NSD2: variants seen among roughly 807,000 people sequenced by gnomAD.
NSD2 encodes the protein histone-lysine N-methyltransferase NSD2.
NSD2 carries 12 observed loss-of-function variants against 139.0 expected under a neutral mutation model. The ratio of observed to expected loss-of-function variants is 0.09; its 90% CI spans 0.06 to 0.14. The LOEUF (loss-of-function observed/expected upper bound fraction) is 0.14, where lower values mean the gene tolerates loss of function less well. Among genes scored for constraint, NSD2 ranks in the 10% least tolerant of loss-of-function variants. The pLI is 1.00. For missense variants in NSD2, 1,155 were observed against 1,745.0 expected (o/e 0.66, Z 6.02); for synonymous variants, 669 against 648.7 (o/e 1.03, Z -0.48).
chr4:1,950,961 TGAGA>T (rs1724156126), intron 9 of NSD2, 107 bp from the exon 10 acceptor site: 1 of 1,432,146 alleles, frequency 7.0e-7, no homozygotes, highest in Admixed American at 1.8e-5. Flanking sequence ...GGACCAGTGC[TGAGA>T]AAGACTGGTG....
chr4:1,942,206 G>C lies in NSD2; in HGVS notation c.1881+2428G>C, dbSNP rs1203523569. Reference sequence around the variant, plus strand: ...TGGTACTACATCACCCTGAGGAAGAGAATAAATTAAAATTACACACTTGCA... The same window carrying C: ...TGGTACTACATCACCCTGAGGAAGACAATAAATTAAAATTACACACTTGCA... On this transcript the variant is annotated intron_variant, in intron 9 of 21. Coordinates refer to ENST00000508803, the MANE Select transcript of NSD2 (RefSeq NM_001042424.3). The surrounding 1 kb of genome is among the most constrained non-coding windows in gnomAD (Gnocchi z 4.0). The C allele has an allele frequency of 6.8e-7, 1 of 1,479,804 alleles. No individual in the cohort carries two copies. The highest frequency in any genetic ancestry group is 1.4e-5 in the African/African-American group (1 of 71,294). 91.7% of individuals were successfully genotyped at this position (1,479,804 alleles called of 1,614,324 possible).
At chr4:1,923,014 T>A (rs1720364168) in intron 5 of NSD2, among the ~76,000 whole-genome samples, 2 of 151,976 alleles carry the variant, frequency 1.3e-5, no homozygotes, top group Non-Finnish European at 2.9e-5. Context: ...TGGACATGGA[T>A]GGGAAAGCGC....
chr4:1,927,572 A>ACC (rs1323119088), intron 5 of NSD2, among the ~76,000 whole-genome samples: 70 of 151,996 alleles, frequency 4.6e-4, no homozygotes, highest in African/African-American at 1.6e-3. Flanking sequence ...TACAAAAAGT[A>ACC]GCCAGGTGTG....
Position 1,942,267 on chromosome 4 carries a change from G to A in NSD2, c.1881+2489G>A. On this transcript the variant is annotated intron_variant, in intron 9 of 21. Transcript: ENST00000508803. The surrounding 1 kb of genome is among the most constrained non-coding windows in gnomAD (Gnocchi z 4.0). Reference sequence around the variant, plus strand: ...CTGTGAAGGAATTAATGTGATTTAAGTGTTTTGTAACTTCATTTTTTATTC... The same window carrying A: ...CTGTGAAGGAATTAATGTGATTTAAATGTTTTGTAACTTCATTTTTTATTC... 6.3e-7 allele frequency: 1 copy of A among 1,590,152 alleles called. No homozygotes were observed. Among genetic ancestry groups the A allele is most frequent in the South Asian group, 1.2e-5 (1 of 86,534 alleles).
chr4:1,877,342 C>T (rs1714334906), intron 1 of NSD2, among the ~76,000 whole-genome samples: 1 of 152,094 alleles, frequency 6.6e-6, no homozygotes, highest in Non-Finnish European at 1.5e-5. Context: ...CCTATGTGTC[C>T]CCAGTCTTCA....
intron 1 of NSD2, among the ~76,000 whole-genome samples, chr4:1,878,673 G>A (rs1714482951): frequency 6.6e-6 from 1 of 152,122 alleles, no homozygotes; most frequent in Non-Finnish European, 1.5e-5. Flanking sequence ...GGCATAATAT[G>A]TCCCAGAAAT....
chr4:1,873,586 C>T (rs1445329334), intron 1 of NSD2, among the ~76,000 whole-genome samples: 2 of 152,154 alleles, frequency 1.3e-5, no homozygotes, highest in East Asian at 3.8e-4. Context: ...GAAGACAACC[C>T]ACTCCTCCTA....
intron 9 of NSD2, chr4:1,946,286 CAG>C: frequency 3.4e-6 from 3 of 895,148 alleles, no homozygotes; most frequent in Non-Finnish European, 4.1e-6. Flanking sequence ...TATTTAGAGA[CAG>C]AGTCTCACCC....
At chr4:1,954,922 G>A (rs952439055) in intron 12 of NSD2, among the ~76,000 whole-genome samples, 3 of 152,150 alleles carry the variant, frequency 2.0e-5, no homozygotes, top group Non-Finnish European at 4.4e-5. Context: ...GGCTGCCCAC[G>A]TGCCCCAGGT....
Position 1,980,645 on chromosome 4 carries a change from ACT to A in NSD2, c.*1737_*1738del, listed in dbSNP as rs1727665484. On this transcript the variant is annotated 3_prime_UTR_variant, in exon 22 of 22. Transcript: ENST00000508803. ...TGCAGGGTCCCACGCCTCCCTGAGCACTGACTGGAAGTTTCACTGGCTGGTGG... is the reference window on the plus strand; with the variant it reads ...TGCAGGGTCCCACGCCTCCCTGAGCAGACTGGAAGTTTCACTGGCTGGTGG... The A allele has an allele frequency of 4.3e-6, 1 of 233,010 alleles. No homozygotes were observed. Among genetic ancestry groups the A allele is most frequent in the Non-Finnish European group, 8.5e-6 (1 of 118,006 alleles). The allele number at this position is 233,010 out of a possible 1,614,324, so 14.4% of individuals were successfully genotyped here.
chr4:1,957,708 C>T (rs1298964432), intron 15 of NSD2, among the ~76,000 whole-genome samples: 1 of 152,098 alleles, frequency 6.6e-6, no homozygotes, highest in Non-Finnish European at 1.5e-5. Flanking sequence ...CTGGGCCTGT[C>T]TTGTAGAGAG....
chr4:1,979,496 A>C lies in NSD2; in HGVS notation c.*587A>C. On this transcript the variant is annotated 3_prime_UTR_variant, in exon 22 of 22. Transcript: ENST00000508803. Reference sequence around the variant, plus strand: ...AACGCTTCTTTTCCATCCTAGTGAGAAGCTGGCCCTGCAGGTGGTGGCAGC... The same window carrying C: ...AACGCTTCTTTTCCATCCTAGTGAGCAGCTGGCCCTGCAGGTGGTGGCAGC... 1 of 233,226 alleles carries C rather than the reference A, an allele frequency of 4.3e-6. No individual in the cohort carries two copies. Among genetic ancestry groups the C allele is most frequent in the Non-Finnish European group, 8.5e-6 (1 of 117,998 alleles). 14.4% of individuals were successfully genotyped at this position (233,226 alleles called of 1,614,324 possible).
chr4:1,950,883 A>G (rs551222522), intron 9 of NSD2, among the ~76,000 whole-genome samples, 189 bp from the exon 10 acceptor site: 1 of 152,178 alleles, frequency 6.6e-6, no homozygotes, highest in Non-Finnish European at 1.5e-5. Flanking sequence ...TACATAGCCT[A>G]ATTGACGGGT....
chr4:1,920,076 T>A (rs560732672), intron 5 of NSD2, among the ~76,000 whole-genome samples: 2 of 152,280 alleles, frequency 1.3e-5, no homozygotes, highest in South Asian at 4.1e-4. Context: ...CTGTGAGTAT[T>A]CTAATAAATC....
intron 1 of NSD2, among the ~76,000 whole-genome samples, chr4:1,883,372 C>G (rs1366701248): frequency 6.6e-6 from 1 of 151,912 alleles, no homozygotes; most frequent in Non-Finnish European, 1.5e-5. Flanking sequence ...TGGCTCAGGC[C>G]TGTAATCCCA....
chr4:1,899,565 C>T (rs943399069), intron 1 of NSD2, among the ~76,000 whole-genome samples: 10 of 152,198 alleles, frequency 6.6e-5, no homozygotes, highest in African/African-American at 2.4e-4. Context: ...TGATTTCTGG[C>T]TTCTCAGAGG....
chr4:1,918,785 C>A, intron 5 of NSD2, 162 bp downstream of exon 5: 1 of 996,698 alleles, frequency 1.0e-6, no homozygotes, highest in Non-Finnish European at 1.4e-6. Context: ...CCATTCTGAC[C>A]CTTGAGGGAA....
At chr4:1,914,179 T>C (rs1189175919) in intron 3 of NSD2, among the ~76,000 whole-genome samples, 1 of 152,014 alleles carries the variant, frequency 6.6e-6, no homozygotes, top group Non-Finnish European at 1.5e-5. Context: ...TGTGCCACCG[T>C]GCCCAGCTCA....
intron 9 of NSD2, chr4:1,943,254 A>G (rs1228059194): frequency 1.9e-6 from 2 of 1,042,844 alleles, no homozygotes; most frequent in Non-Finnish European, 2.3e-6. Context: ...CGAGTAGCCC[A>G]CAGTTAATTC....
Sources: gnomAD v4.1 joint callset for allele counts (sites outside exome capture counted in the v4.1 genomes callset) on GRCh38, gnomAD v4.1.1 for gene constraint, Gnocchi (gnomAD v3.1) non-coding constraint, MANE v1.5 for transcripts, NCBI Gene and HGNC (gene_info 2026-07-23, HGNC 2026-07-21) for gene names.